Variants in EBF1 observed in about 807,000 individuals in gnomAD.
EBF1 encodes the protein transcription factor COE1.
EBF1 carries 10 observed loss-of-function variants against 68.4 expected under a neutral mutation model. The observed-to-expected ratio is 0.15, with a 90% CI of 0.09 to 0.25. The LOEUF (loss-of-function observed/expected upper bound fraction) is 0.25, where lower values mean the gene tolerates loss of function less well. EBF1 is among the 10% of genes least tolerant of loss of function. EBF1 has a pLI of 1.00. For synonymous variants in EBF1, 298 were observed against 299.8 expected (o/e 0.99, Z 0.06); for missense variants, 509 against 794.4 (o/e 0.64, Z 4.32).
intron 6 of EBF1, among the ~76,000 whole-genome samples, chr5:159,030,957 G>A (rs950116475): frequency 2.6e-5 from 4 of 152,160 alleles, no homozygotes; most frequent in Non-Finnish European, 4.4e-5. Context: ...CGGATTACCT[G>A]AGGTTGGGAG....
At chr5:158,789,942 G>A (rs923119807) in intron 9 of EBF1, among the ~76,000 whole-genome samples, 1 of 152,178 alleles carries the variant, frequency 6.6e-6, no homozygotes, top group Non-Finnish European at 1.5e-5. Flanking sequence ...ATGAAGGACT[G>A]CATTTACCAC....
At position 159,036,415 on chromosome 5, in the gene EBF1, C is replaced by T. The variant is rs112384683; in HGVS notation, c.554+36981G>A. Among the ~76,000 whole-genome samples, 1,152 of 148,912 alleles carry T rather than the reference C, an allele frequency of 7.7e-3. 14 individuals carry two copies. Among genetic ancestry groups the T allele is most frequent in the African/African-American group, 0.026 (1,045 of 39,614 alleles). On this transcript the variant is annotated intron_variant, in intron 6 of 15. Coordinates refer to ENST00000313708, the MANE Select transcript of EBF1 (RefSeq NM_024007.5). The stretch of plus-strand genomic sequence containing the variant: ...CCTGACTTCAAACTATACTACAAGG[C>T]TACAGTAACCAAAACAGCATGGTAC...
chr5:158,981,444 C>G (rs1757883725), intron 6 of EBF1, among the ~76,000 whole-genome samples: 2 of 152,070 alleles, frequency 1.3e-5, no homozygotes, highest in Admixed American at 1.3e-4. Context: ...TGCCAAAACC[C>G]TCATTTACAT....
chr5:158,745,721 G>C (rs1767420281), intron 10 of EBF1, among the ~76,000 whole-genome samples: 1 of 152,206 alleles, frequency 6.6e-6, no homozygotes, highest in Non-Finnish European at 1.5e-5. Context: ...TAAATGTAGA[G>C]GATAAAGAGG....
chr5:158,763,368 G>A, intron 10 of EBF1, among the ~76,000 whole-genome samples: 1 of 152,198 alleles, frequency 6.6e-6, no homozygotes, highest in Non-Finnish European at 1.5e-5. Context: ...TGTCTGACAT[G>A]CCCTGCTCTT....
intron 7 of EBF1, among the ~76,000 whole-genome samples, chr5:158,824,476 C>T (rs142016062): frequency 8.5e-5 from 13 of 152,320 alleles, no homozygotes; most frequent in South Asian, 2.1e-4. Context: ...CATAATGAGG[C>T]GAGCCTCCAG....
At chr5:158,746,334 A>G (rs968855554) in intron 10 of EBF1, among the ~76,000 whole-genome samples, 5 of 152,214 alleles carry the variant, frequency 3.3e-5, no homozygotes, top group Admixed American at 6.5e-5. Context: ...AGAAATCAGT[A>G]CAAGCTTTCT....
intron 6 of EBF1, among the ~76,000 whole-genome samples, chr5:158,844,369 G>A (rs1244811137): frequency 3.3e-5 from 5 of 151,862 alleles, no homozygotes; most frequent in African/African-American, 1.2e-4. Flanking sequence ...AGGTGCACCA[G>A]GAATTATCAA....
At chr5:158,848,948 T>G (rs968861474) in intron 6 of EBF1, among the ~76,000 whole-genome samples, 1 of 152,216 alleles carries the variant, frequency 6.6e-6, no homozygotes, top group South Asian at 2.1e-4. Context: ...AAAGTACAAA[T>G]GTTCGTTGTC....
chr5:159,097,265 C>T, intron 1 of EBF1, 135 bp from the exon 2 acceptor site: 2 of 1,018,002 alleles, frequency 2.0e-6, no homozygotes, highest in Non-Finnish European at 2.8e-6. Flanking sequence ...CTCTTCACGC[C>T]CCTTCAGGCG....
At chr5:158,798,589 C>G (rs933366306) in intron 8 of EBF1, among the ~76,000 whole-genome samples, 3 of 152,220 alleles carry the variant, frequency 2.0e-5, no homozygotes, top group Non-Finnish European at 2.9e-5. Flanking sequence ...CCCCTTCCCT[C>G]TTTTTTCCCA....
intron 8 of EBF1, among the ~76,000 whole-genome samples, chr5:158,803,105 G>A (rs893237592): frequency 6.6e-6 from 1 of 151,974 alleles, no homozygotes; most frequent in Non-Finnish European, 1.5e-5. Flanking sequence ...ATGAGGAATC[G>A]ACTTTAATGT....
intron 11 of EBF1, among the ~76,000 whole-genome samples, chr5:158,728,734 T>A (rs1009542483): frequency 3.9e-5 from 6 of 152,144 alleles, no homozygotes; most frequent in Admixed American, 3.9e-4. Context: ...TAGCTAACGT[T>A]TTTTTTAGTT....
chr5:158,826,323 C>T (rs1170508160), intron 7 of EBF1, among the ~76,000 whole-genome samples: 2 of 152,184 alleles, frequency 1.3e-5, no homozygotes, highest in African/African-American at 2.4e-5. Context: ...AAGCCAAATG[C>T]CTGGCTATTT....
intron 6 of EBF1, among the ~76,000 whole-genome samples, chr5:159,053,074 C>T (rs947571708): frequency 1.3e-5 from 2 of 152,110 alleles, no homozygotes; most frequent in Non-Finnish European, 2.9e-5. Flanking sequence ...TTAAGGGCTG[C>T]GCTTAGAAAA....
At chr5:159,090,808 T>C (rs1005923374) in intron 4 of EBF1, among the ~76,000 whole-genome samples, 1 of 69,698 alleles carries the variant, frequency 1.4e-5, no homozygotes, top group African/African-American at 5.3e-5. Flanking sequence ...CCCAATGGGG[T>C]AATAATAATA....
At chr5:158,883,422 G>GTATATA (rs34191014) in intron 6 of EBF1, among the ~76,000 whole-genome samples, 2 of 144,172 alleles carry the variant, frequency 1.4e-5, no homozygotes, top group African/African-American at 2.6e-5. Context: ...ACATACATAC[G>GTATATA]TATATATATA....
intron 14 of EBF1, among the ~76,000 whole-genome samples, chr5:158,709,331 T>A (rs922437350): frequency 2.0e-5 from 3 of 152,070 alleles, no homozygotes; most frequent in Admixed American, 1.3e-4. Flanking sequence ...ACATATATTT[T>A]TTTTTTTTTA....
At chr5:158,916,904 G>C (rs1416409498) in intron 6 of EBF1, among the ~76,000 whole-genome samples, 2 of 152,160 alleles carry the variant, frequency 1.3e-5, no homozygotes, top group Non-Finnish European at 2.9e-5. Context: ...CATAAACATT[G>C]TCTTTCCTTC....
Sources: allele counts gnomAD v4.1 joint callset (sites outside exome capture counted in the v4.1 genomes callset), GRCh38; gene constraint gnomAD v4.1.1; transcripts MANE v1.5; gene names NCBI Gene and HGNC (gene_info 2026-07-23, HGNC 2026-07-21).